Variants in SORBS2 observed in about 807,000 individuals in gnomAD.
SORBS2 encodes the protein sorbin and SH3 domain containing 2, also known as sorbin and SH3 domain-containing protein 2.
In SORBS2, 46 loss-of-function variants were observed where a neutral mutation model predicts 97.7. The ratio of observed to expected loss-of-function variants is 0.47; its 90% CI spans 0.37 to 0.60. The LOEUF (loss-of-function observed/expected upper bound fraction) is 0.60, where lower values mean the gene tolerates loss of function less well. Ranked by LOEUF, SORBS2 falls within the 20% of genes least tolerant of loss-of-function variation. The pLI is 0.00. For missense variants in SORBS2, 1,316 were observed against 1,282.3 expected, an observed-to-expected ratio of 1.03 and a Z score of -0.40; for synonymous variants, 476 against 473.4, an observed-to-expected ratio of 1.01 and a Z score of -0.07.
chr4:185,623,086 C>G lies in SORBS2; in HGVS notation c.2043G>C (p.Ala681=). Residue 681 remains alanine (A), a synonymous_variant, in exon 7 of 15, where the codon GCG becomes GCC. Coordinates refer to ENST00000418609, the Ensembl canonical transcript of SORBS2. This position sits in a 1 kb window ranked among gnomAD's most constrained non-coding sequence, Gnocchi z 6.4. ...GCTGGTGCAGGGGGCTCCTCCTCAG[C>G]GCTCTCAGGGATGAGTTCCTCTCGG... is the stretch of plus-strand genomic sequence containing the variant. 1 of 1,614,046 alleles carries G rather than the reference C, an allele frequency of 6.2e-7. No individual in the cohort carries two copies. Among genetic ancestry groups the G allele is most frequent in the Non-Finnish European group, 8.5e-7 (1 of 1,180,004 alleles).
At chr4:185,917,664 C>T (rs1007146440) in intron 1 of SORBS2, among the ~76,000 whole-genome samples, 1 of 152,180 alleles carries the variant, frequency 6.6e-6, no homozygotes, top group African/African-American at 2.4e-5. Flanking sequence ...GTTATTCAAC[C>T]TGGGGTTTGC....
At chr4:185,815,510 G>T (rs1233761987) in intron 1 of SORBS2, among the ~76,000 whole-genome samples, 2 of 152,136 alleles carry the variant, frequency 1.3e-5, no homozygotes, top group Non-Finnish European at 2.9e-5. Context: ...CAGAAATTAT[G>T]TTCAGTATGA....
chr4:185,683,024 A>G (rs2097895653), intron 2 of SORBS2, among the ~76,000 whole-genome samples: 1 of 151,032 alleles, frequency 6.6e-6, no homozygotes, highest in South Asian at 2.1e-4. Flanking sequence ...CAAAAAAAAA[A>G]AAAAAGAAAA....
At chr4:185,930,390 G>A (rs1448278623) in intron 1 of SORBS2, among the ~76,000 whole-genome samples, 6 of 152,248 alleles carry the variant, frequency 3.9e-5, no homozygotes, top group African/African-American at 1.4e-4. Flanking sequence ...CACCACCCGG[G>A]TTCACGCTAT....
intron 1 of SORBS2, among the ~76,000 whole-genome samples, chr4:185,913,682 T>C (rs1277038754): frequency 6.6e-6 from 1 of 152,102 alleles, no homozygotes; most frequent in Non-Finnish European, 1.5e-5. Context: ...GCAAATGACA[T>C]TGTAACACCA....
intron 2 of SORBS2, among the ~76,000 whole-genome samples, chr4:185,768,712 C>CAAAAAAAAAAAAAAAAAAAA (rs72088117): frequency 8.6e-6 from 1 of 116,804 alleles, no homozygotes; most frequent in Non-Finnish European, 1.9e-5. Flanking sequence ...AAAAAAAAAA[C>CAAAAAAAAAAAAAAAAAAAA]AAAAAAACAA....
intron 1 of SORBS2, among the ~76,000 whole-genome samples, chr4:185,930,404 C>T (rs1478606470): frequency 1.3e-5 from 2 of 152,122 alleles, no homozygotes; most frequent in Non-Finnish European, 2.9e-5. Context: ...ACGCTATTCT[C>T]CTGCCTCAGC....
At chr4:185,849,294 C>T (rs1353504237) in intron 1 of SORBS2, among the ~76,000 whole-genome samples, 1 of 152,166 alleles carries the variant, frequency 6.6e-6, no homozygotes, top group African/African-American at 2.4e-5. Flanking sequence ...CTTCCCCAAA[C>T]CCACTGCGAA....
At chr4:185,676,600 T>C (rs1166509922) in intron 4 of SORBS2, among the ~76,000 whole-genome samples, 2 of 152,242 alleles carry the variant, frequency 1.3e-5, no homozygotes, top group Non-Finnish European at 2.9e-5. Context: ...GAAGAGGTTT[T>C]ACACATGTAA....
At chr4:185,683,014 C>CAAA (rs35410308) in intron 2 of SORBS2, among the ~76,000 whole-genome samples, 90 of 109,442 alleles carry the variant, frequency 8.2e-4, no homozygotes, top group Middle Eastern at 5.7e-3. Flanking sequence ...CCACCCGTCT[C>CAAA]AAAAAAAAAA....
intron 2 of SORBS2, among the ~76,000 whole-genome samples, chr4:185,699,764 G>A (rs2153530367): frequency 6.6e-6 from 1 of 151,994 alleles, no homozygotes; most frequent in South Asian, 2.1e-4. Context: ...TTATTCTTTG[G>A]GATCTAATAA....
chr4:185,615,655 T>C (rs2153411710), intron 9 of SORBS2, among the ~76,000 whole-genome samples: 1 of 152,274 alleles, frequency 6.6e-6, no homozygotes, highest in East Asian at 1.9e-4. Context: ...ACAAATTTTA[T>C]TTGTGGATCT....
At chr4:185,756,738 T>A (rs1339007048) in intron 2 of SORBS2, among the ~76,000 whole-genome samples, 1 of 128,062 alleles carries the variant, frequency 7.8e-6, no homozygotes, top group African/African-American at 3.0e-5. Flanking sequence ...TTTTTTTTTT[T>A]AATTCTATGG....
chr4:185,760,006 C>T (rs545999580), intron 2 of SORBS2, among the ~76,000 whole-genome samples: 30 of 152,294 alleles, frequency 2.0e-4, no homozygotes, highest in Admixed American at 1.1e-3. Context: ...GTAGACTCCA[C>T]GTTGGCTCCT....
chr4:185,925,633 G>A (rs1400159229), intron 1 of SORBS2, among the ~76,000 whole-genome samples: 1 of 152,104 alleles, frequency 6.6e-6, no homozygotes, highest in Non-Finnish European at 1.5e-5. Context: ...TTAAATGTCA[G>A]ACATTATTTA....
At chr4:185,859,498 A>G (rs998111385) in intron 1 of SORBS2, among the ~76,000 whole-genome samples, 2 of 152,076 alleles carry the variant, frequency 1.3e-5, no homozygotes, top group Non-Finnish European at 2.9e-5. Flanking sequence ...CTTGCTAGGA[A>G]CGTCTGTTCT....
At chr4:185,846,457 A>T (rs1027400796) in intron 1 of SORBS2, among the ~76,000 whole-genome samples, 2 of 152,194 alleles carry the variant, frequency 1.3e-5, no homozygotes, top group Admixed American at 1.3e-4. Flanking sequence ...TTTTCTACAC[A>T]TTGATGTGTT....
chr4:185,862,634 G>T (rs2099224515), intron 1 of SORBS2, among the ~76,000 whole-genome samples: 1 of 152,244 alleles, frequency 6.6e-6, no homozygotes, highest in Non-Finnish European at 1.5e-5. Flanking sequence ...CACTGCCTGT[G>T]ATGTATTTTT....
chr4:185,690,641 C>T (rs570915504), intron 2 of SORBS2, 30 bp from the exon 4 acceptor site: 11 of 972,156 alleles, frequency 1.1e-5, no homozygotes, highest in East Asian at 2.7e-5. Flanking sequence ...CATAATTGTT[C>T]ACTAGCATGT....
Sources: gnomAD v4.1 joint callset for allele counts (sites outside exome capture counted in the v4.1 genomes callset) on GRCh38, gnomAD v4.1.1 for gene constraint, Gnocchi (gnomAD v3.1) non-coding constraint, MANE v1.5 for transcripts, NCBI Gene and HGNC (gene_info 2026-07-23, HGNC 2026-07-21) for gene names.